Variants in ANKFY1 observed in about 807,000 individuals in gnomAD.
The protein encoded by ANKFY1 is ankyrin repeat and FYVE domain containing 1.
ANKFY1 carries 47 observed loss-of-function variants against 128.3 expected under a neutral mutation model. The observed-to-expected ratio is 0.37, with a 90% CI of 0.29 to 0.47. The LOEUF (loss-of-function observed/expected upper bound fraction) is 0.47. Ranked by LOEUF, ANKFY1 falls within the 20% of genes least tolerant of loss-of-function variation. ANKFY1 has a pLI of 1.00. For missense variants in ANKFY1, 1,222 were observed against 1,510.6 expected, an observed-to-expected ratio of 0.81 and a Z score of 3.17; for synonymous variants, 553 against 601.6, an observed-to-expected ratio of 0.92 and a Z score of 1.18.
intron 1 of ANKFY1, among the ~76,000 whole-genome samples, chr17:4,258,067 C>A (rs1325029704): frequency 2.0e-5 from 3 of 151,988 alleles, no homozygotes; most frequent in African/African-American, 4.8e-5. Context: ...AAATAATTCA[C>A]AAGGAGAAAG....
At chr17:4,209,676 G>A (rs1402319986) in intron 5 of ANKFY1, 148 bp downstream of exon 5, 1 of 908,184 alleles carries the variant, frequency 1.1e-6, no homozygotes, top group African/African-American at 1.7e-5. Flanking sequence ...GAGTCTCATA[G>A]ATCATCTAAT....
At chr17:4,210,044 T>C in intron 4 of ANKFY1, 97 bp from the exon 5 acceptor site, 1 of 1,162,678 alleles carries the variant, frequency 8.6e-7, no homozygotes, top group Non-Finnish European at 1.2e-6. Context: ...GGCTATGTCC[T>C]ATTAATAACA....
chr17:4,167,970 G>A lies in ANKFY1; in HGVS notation c.3378-59C>T. On this transcript the variant is annotated intron_variant, in intron 24 of 24. Coordinates refer to ENST00000341657, the MANE Select transcript of ANKFY1 (RefSeq NM_001330063.2). The surrounding 1 kb of genome is among the most constrained non-coding windows in gnomAD (Gnocchi z 4.1). ...CGCCAACGACAGACTCTGCTTCCTGGCACGTGAGGACAACCGCAGCAGGGC... is the reference window on the plus strand; with the variant it reads ...CGCCAACGACAGACTCTGCTTCCTGACACGTGAGGACAACCGCAGCAGGGC... 2.5e-6 allele frequency: 4 copies of A among 1,571,924 alleles called. No homozygotes were observed. The highest frequency in any genetic ancestry group is 3.5e-6 in the Non-Finnish European group (4 of 1,155,138).
chr17:4,226,277 T>C (rs2060423216), intron 3 of ANKFY1, among the ~76,000 whole-genome samples: 1 of 152,086 alleles, frequency 6.6e-6, no homozygotes, highest in Admixed American at 6.5e-5. Flanking sequence ...AATCCAGAGC[T>C]TTGGGAGGCC....
intron 3 of ANKFY1, among the ~76,000 whole-genome samples, chr17:4,228,859 T>G (rs1251600409): frequency 2.0e-5 from 3 of 152,154 alleles, no homozygotes; most frequent in African/African-American, 7.2e-5. Flanking sequence ...GAAACCAAAC[T>G]GACAGGCAGC....
intron 11 of ANKFY1, among the ~76,000 whole-genome samples, chr17:4,185,826 C>G (rs918328338): frequency 1.3e-5 from 2 of 152,040 alleles, no homozygotes; most frequent in African/African-American, 4.8e-5. Flanking sequence ...AATAGTACAA[C>G]AAATGGGAGA....
intron 17 of ANKFY1, chr17:4,179,317 G>GCCA: frequency 1.8e-6 from 1 of 561,936 alleles, no homozygotes; most frequent in Admixed American, 3.1e-5. Context: ...TCCGCTCTAA[G>GCCA]CCACCACTCC....
At chr17:4,251,517 T>A (rs75540508) in intron 1 of ANKFY1, among the ~76,000 whole-genome samples, 5,448 of 142,224 alleles carry the variant, frequency 0.038, 338 homozygotes, top group African/African-American at 0.13. Flanking sequence ...GTAAAATTTT[T>A]AAAAATTAAA....
Position 4,197,456 on chromosome 17 carries a change from T to G in ANKFY1, c.1020A>C (p.Ala340=). The G allele has an allele frequency of 6.2e-7, 1 of 1,614,214 alleles. No homozygotes were observed. The highest frequency in any genetic ancestry group is 8.5e-7 in the Non-Finnish European group (1 of 1,180,044). The change falls in exon 8 of 25, where the codon GCA becomes GCC. Residue 340 remains alanine (A), a synonymous_variant. Coordinates refer to ENST00000341657, the MANE Select transcript of ANKFY1 (RefSeq NM_001330063.2). The part of the protein sequence containing the change: ...VALYSSKKHS[A]DVMSEMAQIA... ...TCTGCGCCATCTCAGACATCACATC[T>G]GCTGAGTGTTTCTTTGAACTGTACA...
chr17:4,222,517 C>T (rs2060343647), intron 3 of ANKFY1: 1 of 990,610 alleles, frequency 1.0e-6, no homozygotes, highest in African/African-American at 1.6e-5. Flanking sequence ...GGGAGAAGTT[C>T]TACGCACTTT....
At chr17:4,194,889 G>A (rs2059787899) in intron 10 of ANKFY1, 89 bp downstream of exon 10, 1 of 1,249,880 alleles carries the variant, frequency 8.0e-7, no homozygotes, top group Non-Finnish European at 1.2e-6. Context: ...ATGCCGTTCA[G>A]TTTCTAAATT....
At chr17:4,223,616 ACT>A in intron 3 of ANKFY1, 1 of 1,427,310 alleles carries the variant, frequency 7.0e-7, no homozygotes. Context: ...GGAACTCATG[ACT>A]CTGGGCCAGA....
chr17:4,166,726 T>A lies in ANKFY1; in HGVS notation c.*1053A>T, dbSNP rs2059217514. 6.6e-6 allele frequency: 1 copy of A among 152,278 alleles called. No individual in the cohort carries two copies. Among genetic ancestry groups the A allele is most frequent in the South Asian group, 2.1e-4 (1 of 4,834 alleles). 9.4% of individuals were successfully genotyped at this position (152,278 alleles called of 1,614,324 possible). A position where few individuals can be genotyped will look rare whatever the true frequency, so the allele number is the denominator to read the frequency against. Reference sequence around the variant, plus strand: ...GGAGGATTTCAGCAAGAAGCATTTGTGTCAAGGACATAGGACCTGCCGGCC... The same window carrying A: ...GGAGGATTTCAGCAAGAAGCATTTGAGTCAAGGACATAGGACCTGCCGGCC... On this transcript the variant is annotated 3_prime_UTR_variant, in exon 25 of 25. Transcript: ENST00000341657.
intron 11 of ANKFY1, chr17:4,187,713 G>A (rs2059636873): frequency 6.5e-6 from 1 of 153,240 alleles, no homozygotes; most frequent in African/African-American, 2.4e-5. Context: ...TGTGCCCCAG[G>A]CTGGAGTGCA....
At chr17:4,188,009 T>G (rs1483194804) in intron 11 of ANKFY1, 1 of 152,224 alleles carries the variant, frequency 6.6e-6, no homozygotes, top group Non-Finnish European at 1.5e-5. Context: ...GTCTCTATGC[T>G]ATTAGAAATG....
At chr17:4,198,189 C>T (rs1444216735) in intron 7 of ANKFY1, among the ~76,000 whole-genome samples, 1 of 151,616 alleles carries the variant, frequency 6.6e-6, no homozygotes, top group Non-Finnish European at 1.5e-5. Flanking sequence ...GGTCATCTCT[C>T]AGAAGGGTTT....
intron 1 of ANKFY1, among the ~76,000 whole-genome samples, chr17:4,248,321 T>A (rs1967664923): frequency 6.6e-6 from 1 of 152,162 alleles, no homozygotes; most frequent in African/African-American, 2.4e-5. Flanking sequence ...AACCCTCCTG[T>A]GAACCGCGCA....
In ANKFY1 at chr17:4,167,822, C is replaced by T; in HGVS notation, c.3467G>A (p.Cys1156Tyr). ...KFDLNKPVRV[C>Y]NICFDVLTLG... ...AGTCAGTACATCAAAACAAATGTTG[C>T]AAACCCGCACAGGCTTGTTCAGATC... The change falls in exon 25 of 25, where the codon TGC becomes TAC. Residue 1156 changes from cysteine to tyrosine, a missense_variant. Coordinates refer to ENST00000341657, the MANE Select transcript of ANKFY1 (RefSeq NM_001330063.2). This position sits in a 1 kb window ranked among gnomAD's most constrained non-coding sequence, Gnocchi z 4.1. The T allele has an allele frequency of 6.2e-7, 1 of 1,613,892 alleles. No homozygotes were observed. Among genetic ancestry groups the T allele is most frequent in the Non-Finnish European group, 8.5e-7 (1 of 1,179,882 alleles).
intron 5 of ANKFY1, 110 bp from the exon 6 acceptor site, chr17:4,208,192 A>C: frequency 1.0e-6 from 1 of 998,222 alleles, no homozygotes; most frequent in Non-Finnish European, 1.4e-6. Flanking sequence ...TAAGGGCTTA[A>C]CCTTTCCCAA....
Sources: gnomAD v4.1 joint callset for allele counts (sites outside exome capture counted in the v4.1 genomes callset) on GRCh38, gnomAD v4.1.1 for gene constraint, Gnocchi (gnomAD v3.1) non-coding constraint, MANE v1.5 for transcripts, NCBI Gene and HGNC (gene_info 2026-07-23, HGNC 2026-07-21) for gene names.